LRFN5: variants seen among roughly 807,000 people sequenced by gnomAD.
The protein encoded by LRFN5 is leucine-rich repeat and fibronectin type-III domain-containing protein 5.
In LRFN5, 24 loss-of-function variants were observed where a neutral mutation model predicts 45.6. The observed-to-expected ratio is 0.53, with a 90% CI of 0.38 to 0.74. The LOEUF is 0.74. Ranked by LOEUF, LRFN5 falls within the 30% of genes least tolerant of loss-of-function variation. The pLI, the probability that LRFN5 is intolerant of heterozygous loss-of-function variation, is 0.00. For synonymous variants in LRFN5, 340 were observed against 313.8 expected (o/e 1.08, Z -0.88); for missense variants, 776 against 861.5 (o/e 0.90, Z 1.24).
At position 41,610,661 on chromosome 14, in the gene LRFN5, T is replaced by TAAAAAAAAAAAAAAAAAAAAAAA. The variant is rs199770856; in HGVS notation, c.-197+2121_-197+2122insAAAAAAAAAAAAAAAAAAAAAAA. ...TACCCCTCTGAGGTCCCAGGGAAGG[T>TAAAAAAAAAAAAAAAAAAAAAAA]AAAAAAAAAAAAAAAAAAAAAAGTG... On this transcript the variant is annotated intron_variant, in intron 1 of 5. Transcript: ENST00000298119. Among the ~76,000 whole-genome samples the TAAAAAAAAAAAAAAAAAAAAAAA allele has an allele frequency of 8.8e-4, 33 of 37,340 alleles. 6 individuals carry two copies. Among genetic ancestry groups the TAAAAAAAAAAAAAAAAAAAAAAA allele is most frequent in the South Asian group, 1.5e-3 (2 of 1,298 alleles). The allele number at this position is 37,340 out of a possible 152,430, so 24.5% of individuals were successfully genotyped here.
intron 2 of LRFN5, among the ~76,000 whole-genome samples, chr14:41,803,596 C>G (rs948411041): frequency 1.4e-4 from 22 of 151,914 alleles, no homozygotes; most frequent in African/African-American, 4.8e-4. Flanking sequence ...ATTTTCCTGC[C>G]TGGGTCTCTC....
intron 2 of LRFN5, among the ~76,000 whole-genome samples, chr14:41,785,657 C>T (rs1305066462): frequency 2.6e-5 from 4 of 152,002 alleles, no homozygotes; most frequent in African/African-American, 7.2e-5. Flanking sequence ...ATTATTACAT[C>T]GTAATATATA....
chr14:41,647,243 A>G (rs1304225222), intron 1 of LRFN5, among the ~76,000 whole-genome samples: 2 of 152,166 alleles, frequency 1.3e-5, no homozygotes, highest in Non-Finnish European at 1.5e-5. Context: ...ACCAATCACC[A>G]TACCACAGAA....
At position 41,619,070 on chromosome 14, in the gene LRFN5, G is replaced by A. The variant is rs1888024119; in HGVS notation, c.-197+10508G>A. ...AGGAGTAATTTCACCTAAAACCCAA[G>A]GGAAAATTTGGCTTTTTTTTCCTCC... is the stretch of plus-strand genomic sequence containing the variant. On this transcript the variant is annotated intron_variant, in intron 1 of 5. Transcript: ENST00000298119. Among the ~76,000 whole-genome samples the A allele has an allele frequency of 2.0e-5, 3 of 151,996 alleles. No individual in the cohort carries two copies. In the South Asian group the frequency reaches 6.2e-4, roughly 32 times the overall value.
At chr14:41,710,437 T>C (rs1433808601) in intron 1 of LRFN5, among the ~76,000 whole-genome samples, 2 of 152,106 alleles carry the variant, frequency 1.3e-5, no homozygotes, top group Non-Finnish European at 2.9e-5. Flanking sequence ...TCTTTTCAAA[T>C]ATGTATTCAG....
At chr14:41,622,673 A>G (rs962670358) in intron 1 of LRFN5, among the ~76,000 whole-genome samples, 1 of 152,128 alleles carries the variant, frequency 6.6e-6, no homozygotes, top group Non-Finnish European at 1.5e-5. Flanking sequence ...AAATTATAGA[A>G]GGGAATATGA....
chr14:41,892,662 C>T (rs528892553), intron 4 of LRFN5: 17 of 984,122 alleles, frequency 1.7e-5, no homozygotes, highest in East Asian at 1.1e-4. Flanking sequence ...ATTAGTATAC[C>T]GAGTTAATGT....
intron 2 of LRFN5, among the ~76,000 whole-genome samples, chr14:41,835,924 CT>C (rs375581659): frequency 1.6e-4 from 22 of 138,736 alleles, no homozygotes; most frequent in African/African-American, 5.4e-4. Context: ...TTTTCTTTTT[CT>C]TTTTTTTTAA....
At chr14:41,783,472 G>A (rs1472221754) in intron 2 of LRFN5, among the ~76,000 whole-genome samples, 1 of 152,048 alleles carries the variant, frequency 6.6e-6, no homozygotes, top group Non-Finnish European at 1.5e-5. Flanking sequence ...GCTCTTTATT[G>A]TTCTAAGGCC....
intron 1 of LRFN5, among the ~76,000 whole-genome samples, chr14:41,740,308 C>G (rs1884636038): frequency 6.6e-6 from 1 of 151,868 alleles, no homozygotes; most frequent in Non-Finnish European, 1.5e-5. Context: ...AACTAGCAAA[C>G]CAAATTCAGA....
At chr14:41,826,615 A>G (rs1430906246) in intron 2 of LRFN5, among the ~76,000 whole-genome samples, 1 of 152,174 alleles carries the variant, frequency 6.6e-6, no homozygotes, top group Non-Finnish European at 1.5e-5. Flanking sequence ...GATGTTGAAT[A>G]TATATGTCAT....
chr14:41,722,541 T>C (rs1883764368), intron 1 of LRFN5, among the ~76,000 whole-genome samples: 1 of 151,312 alleles, frequency 6.6e-6, no homozygotes, highest in African/African-American at 2.4e-5. Flanking sequence ...TCTTTTTCTT[T>C]CTCTCCCTAT....
chr14:41,617,809 T>TAATA (rs1215854763), intron 1 of LRFN5, among the ~76,000 whole-genome samples: 1 of 152,134 alleles, frequency 6.6e-6, no homozygotes, highest in African/African-American at 2.4e-5. Context: ...ATGCTGTAAG[T>TAATA]AATAAATAAA....
At chr14:41,903,682 AG>A (rs1228336632) in intron 5 of LRFN5, among the ~76,000 whole-genome samples, 3 of 151,852 alleles carry the variant, frequency 2.0e-5, no homozygotes, top group Admixed American at 2.0e-4. Context: ...TGATTAGTTA[AG>A]GTGAATAATT....
At chr14:41,903,770 T>C (rs1265303289) in intron 5 of LRFN5, among the ~76,000 whole-genome samples, 1 of 151,988 alleles carries the variant, frequency 6.6e-6, no homozygotes, top group African/African-American at 2.4e-5. Context: ...TTTTTAAAAT[T>C]TGTAAGTAGC....
At chr14:41,682,733 AGGTTCTTCCT>A (rs1194263185) in intron 1 of LRFN5, among the ~76,000 whole-genome samples, 4 of 152,228 alleles carry the variant, frequency 2.6e-5, no homozygotes, top group African/African-American at 4.8e-5. Flanking sequence ...CAGTCTACCA[AGGTTCTTCCT>A]GGTTCTTCCT....
chr14:41,751,355 G>A (rs971096994), intron 1 of LRFN5, among the ~76,000 whole-genome samples: 13 of 151,974 alleles, frequency 8.6e-5, no homozygotes, highest in South Asian at 4.2e-4. Flanking sequence ...TACAGCTCCC[G>A]TGGTCAAGCA....
At chr14:41,658,574 A>G (rs1880483957) in intron 1 of LRFN5, among the ~76,000 whole-genome samples, 1 of 151,932 alleles carries the variant, frequency 6.6e-6, no homozygotes, top group South Asian at 2.1e-4. Flanking sequence ...TGTAAATAAG[A>G]AAAACTTATA....
At chr14:41,869,534 A>G (rs1889949449) in intron 2 of LRFN5, among the ~76,000 whole-genome samples, 1 of 151,740 alleles carries the variant, frequency 6.6e-6, no homozygotes, top group African/African-American at 2.4e-5. Flanking sequence ...ATCGAGTACT[A>G]TTTTAGTTTT....
Sources: gnomAD v4.1 joint callset for allele counts (sites outside exome capture counted in the v4.1 genomes callset) on GRCh38, gnomAD v4.1.1 for gene constraint, MANE v1.5 for transcripts, NCBI Gene and HGNC (gene_info 2026-07-23, HGNC 2026-07-21) for gene names.